Variants in NBDY observed in about 807,000 individuals in gnomAD.
NBDY encodes P-body dissociating protein.
chrX:56,796,178 G>A (rs1203893779), intron 2 of NBDY, among the ~76,000 whole-genome samples: 4 of 112,063 alleles, frequency 3.6e-5, no homozygotes, highest in Admixed American at 2.8e-4. Context: ...GGGCAGCGGG[G>A]AGCAGGGCAG....
intron 2 of NBDY, among the ~76,000 whole-genome samples, chrX:56,741,792 A>G (rs1250190679): frequency 4.5e-5 from 5 of 110,807 alleles, no homozygotes; most frequent in Admixed American, 9.6e-5. Flanking sequence ...TTGCACCTAT[A>G]CTTTATAGAC....
chrX:56,737,101 A>G (rs917239208), intron 2 of NBDY: 13 of 482,697 alleles, frequency 2.7e-5, no homozygotes, highest in Non-Finnish European at 4.2e-5. Flanking sequence ...GTTATTCAGT[A>G]TAAGGTTTGG....
intron 2 of NBDY, among the ~76,000 whole-genome samples, chrX:56,816,311 T>C (rs2069910547): frequency 9.0e-6 from 1 of 111,501 alleles, no homozygotes; most frequent in Non-Finnish European, 1.9e-5. Context: ...AATTCTCAGT[T>C]TTAGAAAGGA....
chrX:56,739,177 A>T (rs1422475567), intron 2 of NBDY, among the ~76,000 whole-genome samples: 1 of 98,532 alleles, frequency 1.0e-5, no homozygotes, highest in East Asian at 3.1e-4. Context: ...TCAGAGAGAG[A>T]TTCTGTTTTG....
intron 2 of NBDY, among the ~76,000 whole-genome samples, chrX:56,791,114 C>A (rs1287226576): frequency 2.7e-5 from 3 of 112,722 alleles, no homozygotes; most frequent in Non-Finnish European, 5.6e-5. Flanking sequence ...TCATTGCTCA[C>A]TCTGTTTCTC....
chrX:56,733,693 T>G (rs72621715), intron 2 of NBDY, among the ~76,000 whole-genome samples: 5 of 111,949 alleles, frequency 4.5e-5, no homozygotes, highest in African/African-American at 1.6e-4. Context: ...TAAGGGACTT[T>G]CCTTGTTTTC....
At chrX:56,811,370 A>T (rs1420947092) in intron 2 of NBDY, among the ~76,000 whole-genome samples, 1 of 111,837 alleles carries the variant, frequency 8.9e-6, no homozygotes, top group Non-Finnish European at 1.9e-5. Context: ...TCCTTCCCCC[A>T]GGTGCTCTGT....
chrX:56,810,630 A>G (rs1400341453), intron 2 of NBDY, among the ~76,000 whole-genome samples: 1 of 109,845 alleles, frequency 9.1e-6, no homozygotes, highest in Non-Finnish European at 1.9e-5. Flanking sequence ...TAAACTGGTT[A>G]TTCTAGTTAG....
At chrX:56,783,838 C>T (rs2069711540) in intron 2 of NBDY, among the ~76,000 whole-genome samples, 1 of 112,721 alleles carries the variant, frequency 8.9e-6, no homozygotes, top group Admixed American at 9.3e-5. Flanking sequence ...AAAACACACA[C>T]ACAAAGCGAA....
At chrX:56,816,703 T>C (rs2069912300) in intron 2 of NBDY, among the ~76,000 whole-genome samples, 1 of 110,328 alleles carries the variant, frequency 9.1e-6, no homozygotes, top group Non-Finnish European at 1.9e-5. Context: ...AATTATTATA[T>C]TATTATAAAT....
At chrX:56,813,906 G>A (rs2069898617) in intron 2 of NBDY, among the ~76,000 whole-genome samples, 1 of 111,563 alleles carries the variant, frequency 9.0e-6, no homozygotes, top group Non-Finnish European at 1.9e-5. Flanking sequence ...GATGTCACTG[G>A]TGTCTCTTTG....
chrX:56,815,135 C>A (rs1041944842), intron 2 of NBDY, among the ~76,000 whole-genome samples: 3 of 110,293 alleles, frequency 2.7e-5, no homozygotes, highest in Admixed American at 9.6e-5. Flanking sequence ...AATTTGAAAG[C>A]CATCAATAAA....
intron 2 of NBDY, among the ~76,000 whole-genome samples, chrX:56,780,949 A>G (rs1437474982): frequency 2.8e-5 from 3 of 108,091 alleles, no homozygotes; most frequent in Non-Finnish European, 3.8e-5. Flanking sequence ...CCTCGGTTTT[A>G]ACTTTTAACT....
chrX:56,739,548 T>G (rs755020627), intron 2 of NBDY, among the ~76,000 whole-genome samples: 46 of 108,405 alleles, frequency 4.2e-4, no homozygotes, highest in Non-Finnish European at 6.7e-4. Context: ...GACACTTATT[T>G]CATAGATTGT....
chrX:56,759,406 G>A lies in NBDY; in HGVS notation c.*166+27207G>A, dbSNP rs766259954. Among the ~76,000 whole-genome samples the A allele has an allele frequency of 1.8e-3, 197 of 112,360 alleles. 1 individual carries two copies. Among genetic ancestry groups the A allele is most frequent in the African/African-American group, 6.0e-3 (187 of 30,940 alleles). ...GATGCCGAAACAGGATTCCCACAGGGTCTCCAGCCTACCAGGCCTTGGTCA... is the reference window on the plus strand; with the variant it reads ...GATGCCGAAACAGGATTCCCACAGGATCTCCAGCCTACCAGGCCTTGGTCA... On this transcript the variant is annotated intron_variant, in intron 2 of 2. Coordinates refer to ENST00000374922, the MANE Select transcript of NBDY (RefSeq NM_001348129.2).
At chrX:56,782,191 G>A (rs2069696028) in intron 2 of NBDY, among the ~76,000 whole-genome samples, 1 of 110,456 alleles carries the variant, frequency 9.1e-6, no homozygotes, top group Non-Finnish European at 1.9e-5. Flanking sequence ...CAGTGGCATG[G>A]ACCTCCCACT....
intron 2 of NBDY, among the ~76,000 whole-genome samples, chrX:56,756,756 G>C (rs2069613287): frequency 9.0e-6 from 1 of 111,520 alleles, no homozygotes; most frequent in Admixed American, 9.5e-5. Context: ...CTTGAGGTCA[G>C]GAGTTTGAGA....
At chrX:56,754,956 A>T (rs2069602209) in intron 2 of NBDY, among the ~76,000 whole-genome samples, 1 of 111,939 alleles carries the variant, frequency 8.9e-6, no homozygotes, top group African/African-American at 3.2e-5. Context: ...ACCTGAAATA[A>T]TAAGTAAATC....
At chrX:56,736,124 C>T (rs1362095403) in intron 2 of NBDY, among the ~76,000 whole-genome samples, 2 of 111,600 alleles carry the variant, frequency 1.8e-5, no homozygotes, top group Admixed American at 1.9e-4. Context: ...TCCTGCCGCA[C>T]GCAGCAATGA....
Sources: gnomAD v4.1 joint callset for allele counts (sites outside exome capture counted in the v4.1 genomes callset) on GRCh38, gnomAD v4.1.1 for gene constraint, MANE v1.5 for transcripts, NCBI Gene and HGNC (gene_info 2026-07-23, HGNC 2026-07-21) for gene names.